The following LIMCH1 variants were observed in gnomAD, a reference collection of about 807,000 sequenced individuals.
The protein encoded by LIMCH1 is LIM and calponin homology domains 1.
Under a neutral mutation model 176.5 loss-of-function variants are expected in LIMCH1, and 113 were observed. That is an observed-to-expected ratio of 0.64 (90% confidence interval 0.55 to 0.75). The LOEUF is 0.75. Among genes scored for constraint, LIMCH1 ranks in the 30% least tolerant of loss-of-function variants. LIMCH1 has a pLI of 0.00. For synonymous variants in LIMCH1, 619 were observed against 645.9 expected (o/e 0.96, Z 0.63); for missense variants, 1,674 against 1,814.9 (o/e 0.92, Z 1.41).
In LIMCH1 at chr4:41,360,885, G is replaced by GCCCGAGCCGCCC. The variant is rs1351630897; in HGVS notation, c.54_65dup (p.Pro19_Pro22dup). On this transcript the variant is annotated inframe_insertion, in exon 1 of 27. Coordinates refer to the LIMCH1 transcript ENST00000313860. This position sits in a 1 kb window ranked among gnomAD's most constrained non-coding sequence, Gnocchi z 4.5. ...GTCTGGAAGCTCTTCAGCCCCTGCA[G>GCCCGAGCCGCCC]CCCGAGCCGCCCCCCGAGCCCGCCT... The GCCCGAGCCGCCC allele has an allele frequency of 5.7e-6, 9 of 1,587,566 alleles. No homozygotes were observed. The highest frequency in any genetic ancestry group is 1.4e-5 in the African/African-American group (1 of 74,044).
chr4:41,475,102 G>C (rs543667753), intron 1 of LIMCH1, among the ~76,000 whole-genome samples: 1 of 152,274 alleles, frequency 6.6e-6, no homozygotes, highest in Non-Finnish European at 1.5e-5. Context: ...GGAGACCTTT[G>C]CTTTTGTTTT....
At chr4:41,521,967 G>C (rs562559427) in intron 2 of LIMCH1, among the ~76,000 whole-genome samples, 2 of 152,074 alleles carry the variant, frequency 1.3e-5, no homozygotes, top group African/African-American at 4.8e-5. Flanking sequence ...TTTTGAGGCC[G>C]TGATTGCTAA....
At position 41,538,314 on chromosome 4, in the gene LIMCH1, G is replaced by C; in HGVS notation, c.-277G>C. 1.0e-6 allele frequency: 1 copy of C among 985,444 alleles called. No homozygotes were observed. The highest frequency in any genetic ancestry group is 1.2e-6 in the Non-Finnish European group (1 of 829,964). The allele number at this position is 985,444 out of a possible 1,614,324, so 61.0% of individuals were successfully genotyped here. A position where few individuals can be genotyped will look rare whatever the true frequency, so the allele number is the denominator to read the frequency against. On this transcript the variant is annotated 5_prime_UTR_variant, in exon 1 of 32. Coordinates refer to ENST00000503057, the MANE Select transcript of LIMCH1 (RefSeq NM_001330672.2). ...CCCCTCCCATCTCCCAGAGTGGGTT[G>C]GCTGGAGTTCATTGCGGAGCATGAG...
intron 1 of LIMCH1, among the ~76,000 whole-genome samples, chr4:41,396,445 C>T (rs1174049227): frequency 6.6e-6 from 1 of 152,158 alleles, no homozygotes; most frequent in Non-Finnish European, 1.5e-5. Flanking sequence ...GAGCCCTTCC[C>T]AGCCCAACAA....
chr4:41,363,192 C>T (rs2052413622), intron 1 of LIMCH1, among the ~76,000 whole-genome samples: 1 of 152,152 alleles, frequency 6.6e-6, no homozygotes. Context: ...GAAGTTGTAA[C>T]AGATGGTTTT....
chr4:41,481,177 G>A (rs146991589), intron 1 of LIMCH1, among the ~76,000 whole-genome samples: 3,096 of 152,216 alleles, frequency 0.02, 49 homozygotes, highest in Middle Eastern at 0.041. Flanking sequence ...AATTATGGTC[G>A]GATAATGTTG....
At chr4:41,578,845 G>A (rs1044031904) in intron 1 of LIMCH1, among the ~76,000 whole-genome samples, 1 of 151,900 alleles carries the variant, frequency 6.6e-6, no homozygotes, top group African/African-American at 2.4e-5. Context: ...AGGATTACAG[G>A]CATGCAAACC....
chr4:41,423,724 G>C (rs1426240045), intron 1 of LIMCH1, among the ~76,000 whole-genome samples: 1 of 152,184 alleles, frequency 6.6e-6, no homozygotes, highest in Admixed American at 6.5e-5. Flanking sequence ...TGGTGTCTGT[G>C]ATTATCCCAA....
intron 1 of LIMCH1, chr4:41,389,162 G>A (rs2056900601): frequency 6.6e-6 from 1 of 152,292 alleles, no homozygotes. Context: ...TATATCTGAG[G>A]TGAACCAGTG....
chr4:41,406,146 G>T lies in LIMCH1; in HGVS notation c.96+45210G>T, dbSNP rs188148207. On this transcript the variant is annotated intron_variant, in intron 1 of 26. Coordinates refer to the LIMCH1 transcript ENST00000313860. The stretch of plus-strand genomic sequence containing the variant: ...TTTGTATCTTCCTTTCAGGAGAGCA[G>T]TTGAAGTGAATTCTTCTGGGACCAA... Among the ~76,000 whole-genome samples, 209 of 152,298 alleles carry T rather than the reference G, an allele frequency of 1.4e-3. 1 individual carries two copies. Among genetic ancestry groups the T allele is most frequent in the African/African-American group, 4.8e-3 (199 of 41,560 alleles).
intron 1 of LIMCH1, among the ~76,000 whole-genome samples, chr4:41,423,363 C>G (rs2060792266): frequency 6.6e-6 from 1 of 151,510 alleles, no homozygotes; most frequent in Non-Finnish European, 1.5e-5. Flanking sequence ...GGTATGCACA[C>G]CAACATGATC....
intron 11 of LIMCH1, 26 bp from the exon 12 acceptor site, chr4:41,632,951 A>G (rs1251425534): frequency 2.0e-6 from 3 of 1,532,112 alleles, no homozygotes; most frequent in African/African-American, 1.4e-5. Flanking sequence ...CTTTCCTAGG[A>G]GTGAAACTGT....
intron 17 of LIMCH1, among the ~76,000 whole-genome samples, chr4:41,648,658 G>GTGTGT (rs2094159093): frequency 5.2e-5 from 7 of 135,334 alleles, no homozygotes; most frequent in African/African-American, 1.7e-4. Context: ...AAGGGGTAGG[G>GTGTGT]GTGTGTGTGT....
intron 1 of LIMCH1, among the ~76,000 whole-genome samples, chr4:41,416,996 C>T (rs916014982): frequency 1.3e-5 from 2 of 152,126 alleles, no homozygotes; most frequent in African/African-American, 4.8e-5. Context: ...AAGACATGTG[C>T]AACTGGTCAT....
intron 1 of LIMCH1, among the ~76,000 whole-genome samples, chr4:41,475,842 G>A (rs2067653562): frequency 6.6e-6 from 1 of 152,026 alleles, no homozygotes; most frequent in Non-Finnish European, 1.5e-5. Context: ...TAACAAACCT[G>A]CACATTCAGC....
chr4:41,696,196 A>G (rs1356925048), intron 31 of LIMCH1, among the ~76,000 whole-genome samples: 1 of 152,230 alleles, frequency 6.6e-6, no homozygotes. Flanking sequence ...TTTTAAGTTC[A>G]TATGTAAATG....
intron 2 of LIMCH1, among the ~76,000 whole-genome samples, chr4:41,497,012 C>G (rs1393364084): frequency 6.6e-6 from 1 of 152,192 alleles, no homozygotes; most frequent in African/African-American, 2.4e-5. Context: ...TCTACAATTT[C>G]AAATTTTGAA....
At chr4:41,597,805 A>G (rs1202329539) in intron 1 of LIMCH1, among the ~76,000 whole-genome samples, 3 of 152,192 alleles carry the variant, frequency 2.0e-5, no homozygotes, top group Admixed American at 6.5e-5. Flanking sequence ...ATAGCCCATC[A>G]TATTCACAGA....
At chr4:41,365,704 C>T (rs1298257825) in intron 1 of LIMCH1, among the ~76,000 whole-genome samples, 1 of 152,230 alleles carries the variant, frequency 6.6e-6, no homozygotes, top group African/African-American at 2.4e-5. Context: ...GAGCAGGCGG[C>T]ATCTTTCTCA....
Sources: allele counts gnomAD v4.1 joint callset (sites outside exome capture counted in the v4.1 genomes callset), GRCh38; gene constraint gnomAD v4.1.1; non-coding constraint Gnocchi (gnomAD v3.1); transcripts MANE v1.5; gene names NCBI Gene and HGNC (gene_info 2026-07-23, HGNC 2026-07-21).